DCST2: variants seen among roughly 807,000 people sequenced by gnomAD.
DCST2 encodes DC-STAMP domain containing 2.
Under a neutral mutation model 81.8 loss-of-function variants are expected in DCST2, and 64 were observed. The ratio of observed to expected loss-of-function variants is 0.78; its 90% CI spans 0.64 to 0.96. The LOEUF is 0.96. Ranked by LOEUF, DCST2 falls within the 40% of genes least tolerant of loss-of-function variation. DCST2 has a pLI of 0.00. For missense variants in DCST2, 945 were observed against 1,001.4 expected, an observed-to-expected ratio of 0.94 and a Z score of 0.76; for synonymous variants, 354 against 402.6, an observed-to-expected ratio of 0.88 and a Z score of 1.44.
Position 155,033,598 on chromosome 1 carries a change from G to A in DCST2, c.104C>T (p.Ser35Phe), listed in dbSNP as rs754944240. ...CAGAAGCCCGTAGGCCGTGGCTAAA[G>A]ACAAGCCCAGGGTAAAACCTCCCAC... ...RSVGGFTLGLSLATAYGLLEL... is the reference protein window; with the variant it reads ...RSVGGFTLGLFLATAYGLLEL... Residue 35 changes from serine to phenylalanine, a missense_variant, in exon 1 of 15, where the codon TCT becomes TTT. By Grantham distance (155) the Ser-to-Phe change is radical. Transcript: ENST00000368424. 8.1e-6 allele frequency: 13 copies of A among 1,614,062 alleles called. No homozygotes were observed. The highest frequency in any genetic ancestry group is 1.3e-5 in the African/African-American group (1 of 74,912).
chr1:155,023,170 C>T lies in DCST2; in HGVS notation c.2052G>A (p.Gln684=), dbSNP rs749192859. The T allele has an allele frequency of 1.2e-6, 2 of 1,613,954 alleles. No individual in the cohort carries two copies. The highest frequency in any genetic ancestry group is 2.7e-5 in the African/African-American group (2 of 74,952). Residue 684 remains glutamine (Q), a synonymous_variant, in exon 14 of 15, where the codon CAG becomes CAA. Coordinates refer to ENST00000368424, the MANE Select transcript of DCST2 (RefSeq NM_144622.3). Reference sequence around the variant, plus strand: ...GGCTCCTGCCGAGCACTTCTTGGAGCTGTTGCTGCAATAACCATGCCTGCT... The same window carrying T: ...GGCTCCTGCCGAGCACTTCTTGGAGTTGTTGCTGCAATAACCATGCCTGCT... ...DPEQAWLLQQ[Q]LQEVLGRSLS... is the part of the protein sequence containing the mutation.
intron 10 of DCST2, among the ~76,000 whole-genome samples, chr1:155,025,808 C>A (rs957536852): frequency 6.6e-6 from 1 of 151,070 alleles, no homozygotes; most frequent in Non-Finnish European, 1.5e-5. Context: ...AAGCGATCCT[C>A]CCTAGTAGCT....
At chr1:155,028,827 G>A (rs1032646145) in intron 8 of DCST2, among the ~76,000 whole-genome samples, 1 of 133,514 alleles carries the variant, frequency 7.5e-6, no homozygotes, top group East Asian at 2.5e-4. Flanking sequence ...CCGAGATGGC[G>A]CCACTGCACT....
chr1:155,030,308 C>T (rs528875474), intron 6 of DCST2, 67 bp from the exon 7 acceptor site: 27 of 1,604,088 alleles, frequency 1.7e-5, no homozygotes, highest in Middle Eastern at 1.8e-4. Flanking sequence ...ACAGGGCATC[C>T]GCGCTTCAAC....
chr1:155,032,840 G>A, intron 2 of DCST2, 72 bp from the exon 3 acceptor site: 1 of 1,412,578 alleles, frequency 7.1e-7, no homozygotes, highest in South Asian at 1.2e-5. Context: ...TGCCCCTTAA[G>A]CAGGGAGTAG....
intron 11 of DCST2, 92 bp from the exon 12 acceptor site, chr1:155,024,051 T>C (rs2102335955): frequency 6.7e-7 from 1 of 1,487,446 alleles, no homozygotes; most frequent in Non-Finnish European, 9.0e-7. Flanking sequence ...AGGGAGGACT[T>C]CCTGACTTCC....
intron 7 of DCST2, 72 bp downstream of exon 7, chr1:155,030,012 G>A (rs1490761840): frequency 8.2e-6 from 13 of 1,593,930 alleles, no homozygotes; most frequent in African/African-American, 1.3e-5. Flanking sequence ...AGGGGCTTAG[G>A]GGCAGGGCAG....
intron 14 of DCST2, among the ~76,000 whole-genome samples, chr1:155,019,790 C>G (rs1390159395): frequency 6.6e-6 from 1 of 152,244 alleles, no homozygotes; most frequent in African/African-American, 2.4e-5. Flanking sequence ...ACTGAGCGCA[C>G]TGGAGCAATC....
Position 155,031,174 on chromosome 1 carries a change from C to T in DCST2, c.800G>A (p.Gly267Asp), listed in dbSNP as rs368661864. 3 of 1,590,354 alleles carry T rather than the reference C, an allele frequency of 1.9e-6. No individual in the cohort carries two copies. Among genetic ancestry groups the T allele is most frequent in the Non-Finnish European group, 2.6e-6 (3 of 1,171,400 alleles). ...YIQPFLRQTI[G>D]TPVIQLLNRV... is the part of the protein sequence containing the mutation. ...GGCAGGAGGGGGTCACTCACGGGTG[C>T]CGATGGTCTGGCGCAAGAAGGGTTG... The change falls in exon 5 of 15, where the codon GGC becomes GAC. Residue 267 changes from glycine (G) to aspartate (D), a missense_variant. Gly to Asp is a moderately conservative substitution (Grantham distance 94, BLOSUM62 -1). Coordinates refer to ENST00000368424, the MANE Select transcript of DCST2 (RefSeq NM_144622.3).
rs142958975 is a variant in DCST2, at chr1:155,030,340, G to A, written c.1019+92C>T. The A allele has an allele frequency of 3.1e-5, 49 of 1,595,438 alleles. No individual in the cohort carries two copies. In the East Asian group the frequency reaches 1.1e-3, roughly 34 times the overall value. On this transcript the variant is annotated intron_variant, in intron 6 of 14. Transcript: ENST00000368424. ...CAACCCCACAACTTCAACCTCCCTG[G>A]ATGCTGGGGCAGGGAGAAATGAGCT... is the stretch of plus-strand genomic sequence containing the variant.
chr1:155,024,609 C>A lies in DCST2; in HGVS notation c.1612-7G>T. 1.3e-6 allele frequency: 2 copies of A among 1,589,694 alleles called. No homozygotes were observed. The highest frequency in any genetic ancestry group is 1.2e-5 in the South Asian group (1 of 85,796). ...ACAGGTAGGAGATCCTCTCCTGGTG[C>A]GGGGAGATCAGGGATGGGGTCCCAC... On this transcript the variant is annotated splice_region_variant and splice_polypyrimidine_tract_variant and intron_variant, in intron 10 of 14. Coordinates refer to ENST00000368424, the MANE Select transcript of DCST2 (RefSeq NM_144622.3).
At chr1:155,032,841 C>T (rs1456556405) in intron 2 of DCST2, 73 bp from the exon 3 acceptor site, 2 of 1,412,316 alleles carry the variant, frequency 1.4e-6, no homozygotes, top group South Asian at 1.2e-5. Context: ...GCCCCTTAAG[C>T]AGGGAGTAGA....
intron 3 of DCST2, 47 bp downstream of exon 3, chr1:155,032,620 A>G (rs747834582): frequency 3.2e-6 from 5 of 1,542,354 alleles, no homozygotes; most frequent in Non-Finnish European, 3.6e-6. Context: ...CCCGGCCAGG[A>G]CTGGGTGCAT....
chr1:155,031,778 A>C lies in DCST2; in HGVS notation c.542-7T>G, dbSNP rs758472168. 1 of 1,613,214 alleles carries C rather than the reference A, an allele frequency of 6.2e-7. No individual in the cohort carries two copies. The highest frequency in any genetic ancestry group is 1.1e-5 in the South Asian group (1 of 91,028). ...ACATTCCGGAGAGCCCTGGCTGGGG[A>C]CAGCTGCAGGGTTGGCACCCAGGGC... On this transcript the variant is annotated splice_polypyrimidine_tract_variant and splice_region_variant and intron_variant, in intron 3 of 14. Transcript: ENST00000368424.
intron 7 of DCST2, 77 bp downstream of exon 7, chr1:155,030,007 C>T: frequency 6.3e-7 from 1 of 1,588,922 alleles, no homozygotes. Flanking sequence ...TGTGCAGGGG[C>T]TTAGGGGCAG....
At chr1:155,030,020 C>A (rs1045625259) in intron 7 of DCST2, 64 bp downstream of exon 7, 52 of 1,600,284 alleles carry the variant, frequency 3.2e-5, no homozygotes, top group Non-Finnish European at 4.4e-5. Flanking sequence ...AGGGGCAGGG[C>A]AGCGGGGTGG....
At chr1:155,026,860 C>T in intron 8 of DCST2, 145 bp from the exon 9 acceptor site, 1 of 930,726 alleles carries the variant, frequency 1.1e-6, no homozygotes, top group Non-Finnish European at 1.6e-6. Context: ...CTCAGGCACC[C>T]TCATGGTGCC....
chr1:155,029,376 C>A lies in DCST2; in HGVS notation c.1199G>T (p.Trp400Leu), dbSNP rs759463160. 1 of 1,613,978 alleles carries A rather than the reference C, an allele frequency of 6.2e-7. No homozygotes were observed. The highest frequency in any genetic ancestry group is 1.1e-5 in the South Asian group (1 of 91,068). Reference protein sequence around the residue: ...IPPGSIFLSQWEKFFYILETF... With the variant: ...IPPGSIFLSQLEKFFYILETF... ...CTCCAGAATGTAAAAAAACTTCTCC[C>A]ATTGGGACAAGAAGATGGAGCCTGA... Residue 400 changes from tryptophan to leucine, a missense_variant, in exon 8 of 15, where the codon TGG becomes TTG. Transcript: ENST00000368424.
chr1:155,025,710 G>GT (rs1282718550), intron 10 of DCST2, among the ~76,000 whole-genome samples: 1 of 151,244 alleles, frequency 6.6e-6, no homozygotes, highest in East Asian at 1.9e-4. Context: ...GTTTTGTTTT[G>GT]TTTTTTTGAG....
Sources: allele counts gnomAD v4.1 joint callset (sites outside exome capture counted in the v4.1 genomes callset), GRCh38; gene constraint gnomAD v4.1.1; transcripts MANE v1.5; gene names NCBI Gene and HGNC (gene_info 2026-07-23, HGNC 2026-07-21).